ATG14: variants seen among roughly 807,000 people sequenced by gnomAD.
The protein encoded by ATG14 is autophagy related 14.
ATG14 carries 35 observed loss-of-function variants against 60.4 expected under a neutral mutation model. That is an observed-to-expected ratio of 0.58 (90% CI 0.44 to 0.77). ATG14 has a LOEUF of 0.77. ATG14 is among the 30% of genes least tolerant of loss of function. The probability of loss-of-function intolerance (pLI) is 0.00; values close to 1 mark genes in which losing one functional copy is unlikely to be tolerated. For synonymous variants in ATG14, 234 were observed against 228.8 expected (o/e 1.02, Z -0.21); for missense variants, 647 against 626.3 (o/e 1.03, Z -0.35).
chr14:55,375,169 T>C (rs1052145266), intron 9 of ATG14, among the ~76,000 whole-genome samples: 8 of 152,204 alleles, frequency 5.3e-5, no homozygotes, highest in African/African-American at 1.4e-4. Flanking sequence ...GGAATAAAAA[T>C]AAGCTTCATA....
intron 5 of ATG14, among the ~76,000 whole-genome samples, chr14:55,384,253 G>GT (rs1216884607): frequency 2.0e-5 from 3 of 152,134 alleles, no homozygotes; most frequent in Admixed American, 6.5e-5. Flanking sequence ...TTTTCTCCTC[G>GT]TGTGTGTATT....
chr14:55,375,109 T>C (rs1884892947), intron 9 of ATG14, among the ~76,000 whole-genome samples: 1 of 152,216 alleles, frequency 6.6e-6, no homozygotes. Context: ...GTGGCTTTCT[T>C]TCAGCTCCAC....
chr14:55,381,531 T>C (rs1336596605), intron 6 of ATG14, among the ~76,000 whole-genome samples: 1 of 152,194 alleles, frequency 6.6e-6, no homozygotes, highest in Non-Finnish European at 1.5e-5. Context: ...ATAAATAAAA[T>C]GTGTCTTATC....
At chr14:55,405,150 T>C (rs546264888) in intron 1 of ATG14, among the ~76,000 whole-genome samples, 1 of 152,208 alleles carries the variant, frequency 6.6e-6, no homozygotes, top group African/African-American at 2.4e-5. Flanking sequence ...TGTCTACCTG[T>C]AGAGCTTTTG....
In ATG14 at chr14:55,368,257, G is replaced by C. The variant is rs1034744783; in HGVS notation, c.*1362C>G. ...TTTTTTGAGACGGAGTTTCGCTCTT[G>C]TTGCCCAGGCTGGAGTGCAATGGCA... On this transcript the variant is annotated 3_prime_UTR_variant, in exon 10 of 10. Transcript: ENST00000247178. The C allele has an allele frequency of 1.3e-5, 2 of 152,170 alleles. No individual in the cohort carries two copies. Among genetic ancestry groups the C allele is most frequent in the East Asian group, 3.9e-4 (2 of 5,188 alleles). 9.4% of individuals were successfully genotyped at this position (152,170 alleles called of 1,614,324 possible).
At chr14:55,377,497 G>T (rs1383541140) in intron 9 of ATG14, among the ~76,000 whole-genome samples, 1 of 152,148 alleles carries the variant, frequency 6.6e-6, no homozygotes, top group Non-Finnish European at 1.5e-5. Context: ...GGCTGGAGAA[G>T]AAATAGACGC....
chr14:55,377,550 A>AAGG (rs1421608877), intron 9 of ATG14, among the ~76,000 whole-genome samples: 1 of 152,094 alleles, frequency 6.6e-6, no homozygotes, highest in African/African-American at 2.4e-5. Flanking sequence ...AAAGCACAAA[A>AAGG]AGGCACTACT....
rs779634897 is a variant in ATG14, at chr14:55,375,490, ATTT to A, written c.1172+2326_1172+2328del. ...GGCATGCATTACCACGCCGGGCTAA[ATTT>A]TTTTTTTTTTTTTTTTTTTTTTTTA... On this transcript the variant is annotated intron_variant, in intron 9 of 9. Transcript: ENST00000247178. Among the ~76,000 whole-genome samples, 71 of 117,794 alleles carry A rather than the reference ATTT, an allele frequency of 6.0e-4. No homozygotes were observed. The East Asian group carries it at 0.012, about 20-fold the overall frequency. 77.3% of individuals were successfully genotyped at this position (117,794 alleles called of 152,430 possible).
intron 4 of ATG14, among the ~76,000 whole-genome samples, chr14:55,389,205 C>T (rs1885174231): frequency 6.6e-6 from 1 of 152,182 alleles, no homozygotes; most frequent in Non-Finnish European, 1.5e-5. Flanking sequence ...TTTTAACATG[C>T]TCATCAGAGA....
At chr14:55,406,134 T>C in intron 1 of ATG14, among the ~76,000 whole-genome samples, 1 of 152,246 alleles carries the variant, frequency 6.6e-6, no homozygotes, top group Non-Finnish European at 1.5e-5. Context: ...AGGAACTAAT[T>C]AATGTGAGAT....
intron 1 of ATG14, among the ~76,000 whole-genome samples, chr14:55,406,151 A>C (rs889052976): frequency 6.6e-6 from 1 of 152,244 alleles, no homozygotes; most frequent in African/African-American, 2.4e-5. Flanking sequence ...AGATCAATTT[A>C]TTTCTTTAAT....
chr14:55,381,522 TAAATA>T (rs60796919), intron 6 of ATG14, among the ~76,000 whole-genome samples: 133 of 152,330 alleles, frequency 8.7e-4, no homozygotes, highest in African/African-American at 3.0e-3. Context: ...GATGAATGAA[TAAATA>T]AAATGTGTCT....
In ATG14 at chr14:55,369,737, G is replaced by C. The variant is rs940692566; in HGVS notation, c.1361C>G (p.Ser454Cys). 4 of 1,613,796 alleles carry C rather than the reference G, an allele frequency of 2.5e-6. No individual in the cohort carries two copies. The highest frequency in any genetic ancestry group is 2.7e-5 in the African/African-American group (2 of 74,920). Residue 454 changes from serine (S) to cysteine (C), a missense_variant, in exon 10 of 10, where the codon TCC (serine) becomes TGC (cysteine). By Grantham distance (112) the Ser-to-Cys change is moderately radical (BLOSUM62 -1). Coordinates refer to ENST00000247178, the MANE Select transcript of ATG14 (RefSeq NM_014924.5). ...CDIPSQSVEV[S>C]QSQSTQASPP... ...GGACGCCTGGGTGCTCTGACTCTGG[G>C]AGACTTCCACAGACTGGGAAGGGAT...
chr14:55,390,762 A>T, intron 4 of ATG14, 149 bp downstream of exon 4: 1 of 606,498 alleles, frequency 1.6e-6, no homozygotes, highest in Non-Finnish European at 2.9e-6. Flanking sequence ...CAAATGTTTT[A>T]CAAGGAAAGA....
At chr14:55,379,128 TA>T (rs974576638) in intron 7 of ATG14, among the ~76,000 whole-genome samples, 3 of 152,240 alleles carry the variant, frequency 2.0e-5, no homozygotes, top group African/African-American at 7.2e-5. Flanking sequence ...GGGCAAGGAT[TA>T]TTTTTTTGTC....
At chr14:55,373,608 C>T (rs1047999480) in intron 9 of ATG14, among the ~76,000 whole-genome samples, 3 of 151,962 alleles carry the variant, frequency 2.0e-5, no homozygotes, top group Admixed American at 6.6e-5. Context: ...TACAGGCACC[C>T]GCCACCACGC....
Position 55,377,827 on chromosome 14 carries a change from G to A in ATG14, c.1164C>T (p.His388=). The A allele has an allele frequency of 1.3e-6, 2 of 1,579,616 alleles. No individual in the cohort carries two copies. Among genetic ancestry groups the A allele is most frequent in the South Asian group, 1.2e-5 (1 of 85,166 alleles). The change falls in exon 9 of 10, where the codon CAC becomes CAT. Residue 388 remains histidine, a synonymous_variant. Transcript: ENST00000247178. ...LMYLVSPSSE[H]LGRSGPFEVR... ...AACAAATATCTTCTTACCTGCCTAG[G>A]TGTTCAGAGCTTGGACTGACCAGGT...
At chr14:55,405,072 A>T (rs1885467682) in intron 1 of ATG14, among the ~76,000 whole-genome samples, 1 of 152,094 alleles carries the variant, frequency 6.6e-6, no homozygotes, top group Non-Finnish European at 1.5e-5. Flanking sequence ...CCATAAACAA[A>T]CTCCATGGGA....
intron 7 of ATG14, among the ~76,000 whole-genome samples, chr14:55,380,227 G>A (rs1213467724): frequency 4.6e-5 from 7 of 151,498 alleles, no homozygotes; most frequent in South Asian, 4.2e-4. Flanking sequence ...TGGCCTGGGC[G>A]ACAGAGCGAG....
Sources: allele counts gnomAD v4.1 joint callset (sites outside exome capture counted in the v4.1 genomes callset), GRCh38; gene constraint gnomAD v4.1.1; transcripts MANE v1.5; gene names NCBI Gene and HGNC (gene_info 2026-07-23, HGNC 2026-07-21).